Variants in KCNT2 observed in about 807,000 individuals in gnomAD.
KCNT2 encodes the protein potassium sodium-activated channel subfamily T member 2, also known as potassium channel subfamily T member 2.
A neutral mutation model predicts 153.8 loss-of-function variants in KCNT2; 67 were observed. That is an observed-to-expected ratio of 0.44 (90% CI 0.36 to 0.53). The LOEUF is 0.53. Ranked by LOEUF, KCNT2 falls within the 20% of genes least tolerant of loss-of-function variation. The pLI, the probability that KCNT2 is intolerant of heterozygous loss-of-function variation, is 0.00. For synonymous variants in KCNT2, 500 were observed against 458.8 expected (o/e 1.09, Z -1.15); for missense variants, 975 against 1,354.8 (o/e 0.72, Z 4.40).
chr1:196,383,531 T>C (rs781377453), intron 13 of KCNT2, among the ~76,000 whole-genome samples: 3 of 151,874 alleles, frequency 2.0e-5, no homozygotes, highest in Non-Finnish European at 4.4e-5. Flanking sequence ...GGAAGGAGAG[T>C]GTTTTATAGC....
chr1:196,283,842 G>A (rs1282667008), intron 23 of KCNT2, among the ~76,000 whole-genome samples: 1 of 152,070 alleles, frequency 6.6e-6, no homozygotes, highest in Non-Finnish European at 1.5e-5. Context: ...GGTAAGTGTT[G>A]TTAATATTTT....
intron 8 of KCNT2, among the ~76,000 whole-genome samples, chr1:196,439,074 A>T (rs1217760868): frequency 6.6e-6 from 1 of 151,864 alleles, no homozygotes; most frequent in Non-Finnish European, 1.5e-5. Flanking sequence ...TTTTTGCATA[A>T]CTGTGGTCAA....
intron 25 of KCNT2, among the ~76,000 whole-genome samples, chr1:196,261,150 G>A (rs1387961107): frequency 6.6e-6 from 1 of 151,764 alleles, no homozygotes; most frequent in Non-Finnish European, 1.5e-5. Flanking sequence ...TCATAATCTA[G>A]TGGAAATAGT....
intron 1 of KCNT2, among the ~76,000 whole-genome samples, chr1:196,544,920 T>C (rs1249007465): frequency 6.6e-6 from 1 of 151,772 alleles, no homozygotes; most frequent in African/African-American, 2.4e-5. Context: ...AGAAAAACTT[T>C]GAAATAATGA....
In KCNT2 at chr1:196,515,394, C is replaced by G. The variant is rs556692847; in HGVS notation, c.96-23053G>C. On this transcript the variant is annotated intron_variant, in intron 1 of 27. Transcript: ENST00000294725. ...AACTGTGAAGACTATTAATAGCATG[C>G]AAACTTGCTTACAACCTTAGTACTT... Among the ~76,000 whole-genome samples the G allele has an allele frequency of 6.3e-4, 96 of 152,274 alleles. 1 individual carries two copies. Among genetic ancestry groups the G allele is most frequent in the African/African-American group, 2.0e-3 (83 of 41,558 alleles).
At chr1:196,549,823 C>T (rs980190879) in intron 1 of KCNT2, among the ~76,000 whole-genome samples, 3 of 151,786 alleles carry the variant, frequency 2.0e-5, no homozygotes, top group African/African-American at 7.3e-5. Flanking sequence ...GGAGGCTAAA[C>T]TAAACAGCAA....
chr1:196,565,920 TTAA>T (rs1232047750), intron 1 of KCNT2, among the ~76,000 whole-genome samples: 2 of 151,810 alleles, frequency 1.3e-5, no homozygotes, highest in Non-Finnish European at 2.9e-5. Context: ...GTAATTGTAG[TTAA>T]TAACAATGTA....
Position 196,593,384 on chromosome 1 carries a change from C to T in KCNT2, c.95+14831G>A, listed in dbSNP as rs182911206. On this transcript the variant is annotated intron_variant, in intron 1 of 27. Coordinates refer to ENST00000294725, the MANE Select transcript of KCNT2 (RefSeq NM_198503.5). Reference sequence around the variant, plus strand: ...TGTATTTTTTTATTTTTTTCTTTATCCACTCATTGATTGAAGGGCATTTGG... The same window carrying T: ...TGTATTTTTTTATTTTTTTCTTTATTCACTCATTGATTGAAGGGCATTTGG... Among the ~76,000 whole-genome samples the T allele has an allele frequency of 2.7e-5, 4 of 148,046 alleles. No individual in the cohort carries two copies. In the East Asian group the frequency reaches 7.9e-4, roughly 29 times the overall value.
intron 5 of KCNT2, among the ~76,000 whole-genome samples, chr1:196,470,741 A>C (rs1426558143): frequency 6.6e-6 from 1 of 152,176 alleles, no homozygotes; most frequent in African/African-American, 2.4e-5. Context: ...ATCAAATAAG[A>C]GAGGAAGTAG....
At chr1:196,437,400 T>TAC (rs888904149) in intron 8 of KCNT2, among the ~76,000 whole-genome samples, 3 of 141,140 alleles carry the variant, frequency 2.1e-5, no homozygotes, top group African/African-American at 5.1e-5. Context: ...ACACAAATTT[T>TAC]ATATATATAT....
chr1:196,446,626 G>C (rs1173141992), intron 8 of KCNT2, among the ~76,000 whole-genome samples: 1 of 151,452 alleles, frequency 6.6e-6, no homozygotes, highest in Non-Finnish European at 1.5e-5. Context: ...TGAAATCTTT[G>C]AAATTAGACA....
intron 8 of KCNT2, among the ~76,000 whole-genome samples, chr1:196,450,912 T>C (rs940056857): frequency 6.6e-6 from 1 of 151,926 alleles, no homozygotes. Context: ...CATGGTTTAT[T>C]TGAATACTTC....
intron 14 of KCNT2, among the ~76,000 whole-genome samples, chr1:196,342,613 T>G (rs1344203184): frequency 4.0e-5 from 6 of 151,672 alleles, no homozygotes; most frequent in Non-Finnish European, 7.4e-5. Flanking sequence ...AAATTTGTTG[T>G]ACAGTCTCCA....
chr1:196,380,380 T>C (rs2148364683), intron 13 of KCNT2, among the ~76,000 whole-genome samples: 1 of 152,328 alleles, frequency 6.6e-6, no homozygotes, highest in Middle Eastern at 3.4e-3. Flanking sequence ...TGTCTTCAAG[T>C]CCCTTTTACT....
Position 196,333,758 on chromosome 1 carries a change from C to A in KCNT2, c.1997+89G>T, listed in dbSNP as rs1042105066. On this transcript the variant is annotated intron_variant, in intron 17 of 27. Coordinates refer to ENST00000294725, the MANE Select transcript of KCNT2 (RefSeq NM_198503.5). ...GTTCAGAAGGAAAGATCATTAGCTC[C>A]TTACCTATTGGGAAGGTATGTAAAG... 242 of 755,332 alleles carry A rather than the reference C, an allele frequency of 3.2e-4. 2 individuals are homozygous for A. Among genetic ancestry groups the A allele is most frequent in the Non-Finnish European group, 6.1e-5 (27 of 441,058 alleles). 46.8% of individuals were successfully genotyped at this position (755,332 alleles called of 1,614,324 possible).
At chr1:196,310,524 G>A (rs1409935157) in intron 21 of KCNT2, among the ~76,000 whole-genome samples, 1 of 151,722 alleles carries the variant, frequency 6.6e-6, no homozygotes, top group Non-Finnish European at 1.5e-5. Flanking sequence ...TATCAATCTT[G>A]TATTTATACA....
At chr1:196,381,242 G>A (rs1469392549) in intron 13 of KCNT2, among the ~76,000 whole-genome samples, 2 of 151,970 alleles carry the variant, frequency 1.3e-5, no homozygotes, top group Admixed American at 1.3e-4. Context: ...CTCTACCCTA[G>A]TGCAGAACAG....
At chr1:196,318,055 C>A (rs1662906167) in intron 20 of KCNT2, among the ~76,000 whole-genome samples, 1 of 150,886 alleles carries the variant, frequency 6.6e-6, no homozygotes, top group Admixed American at 6.6e-5. Context: ...ATCATAATTT[C>A]TGCAAGGCCA....
intron 19 of KCNT2, among the ~76,000 whole-genome samples, chr1:196,323,495 A>T (rs1368526754): frequency 6.6e-6 from 1 of 151,950 alleles, no homozygotes; most frequent in Non-Finnish European, 1.5e-5. Flanking sequence ...TGGCCAGCCA[A>T]TCAGAACTGA....
Sources: gnomAD v4.1 joint callset for allele counts (sites outside exome capture counted in the v4.1 genomes callset) on GRCh38, gnomAD v4.1.1 for gene constraint, MANE v1.5 for transcripts, NCBI Gene and HGNC (gene_info 2026-07-23, HGNC 2026-07-21) for gene names.